SLC10A7: variants seen among roughly 807,000 people sequenced by gnomAD.
The protein encoded by SLC10A7 is solute carrier family 10 member 7.
A neutral mutation model predicts 43.2 loss-of-function variants in SLC10A7; 29 were observed. The observed-to-expected ratio is 0.67, with a 90% CI of 0.50 to 0.92. The LOEUF is 0.92. Ranked by LOEUF, SLC10A7 falls within the 40% of genes least tolerant of loss-of-function variation. SLC10A7 has a pLI of 0.00. For synonymous variants in SLC10A7, 152 were observed against 144.8 expected (o/e 1.05, Z -0.35); for missense variants, 295 against 403.2 (o/e 0.73, Z 2.30).
At chr4:146,293,419 G>C (rs1026589278) in intron 8 of SLC10A7, among the ~76,000 whole-genome samples, 3 of 152,122 alleles carry the variant, frequency 2.0e-5, no homozygotes, top group Non-Finnish European at 2.9e-5. Flanking sequence ...AGCTTTAGCA[G>C]TTTCCTGCAT....
At chr4:146,376,039 C>A (rs796286414) in intron 5 of SLC10A7, among the ~76,000 whole-genome samples, 5 of 152,202 alleles carry the variant, frequency 3.3e-5, no homozygotes, top group African/African-American at 1.2e-4. Flanking sequence ...TTACGTTTAC[C>A]CATTTACTGT....
chr4:146,411,240 T>C (rs749964001), intron 5 of SLC10A7, among the ~76,000 whole-genome samples: 3 of 152,160 alleles, frequency 2.0e-5, no homozygotes, highest in Non-Finnish European at 4.4e-5. Flanking sequence ...CAGGTATTTT[T>C]ATACTCATGT....
At chr4:146,347,048 C>T (rs542387501) in intron 5 of SLC10A7, among the ~76,000 whole-genome samples, 4 of 151,972 alleles carry the variant, frequency 2.6e-5, no homozygotes, top group Non-Finnish European at 2.9e-5. Context: ...CCCAACTGAG[C>T]GAGGGGTTTC....
intron 5 of SLC10A7, among the ~76,000 whole-genome samples, chr4:146,361,890 T>C (rs1206054508): frequency 6.6e-6 from 1 of 152,158 alleles, no homozygotes; most frequent in Non-Finnish European, 1.5e-5. Context: ...AACAAAGAGA[T>C]TGACATTCTT....
At chr4:146,468,289 T>C (rs1377649998) in intron 4 of SLC10A7, among the ~76,000 whole-genome samples, 1 of 152,090 alleles carries the variant, frequency 6.6e-6, no homozygotes, top group Non-Finnish European at 1.5e-5. Flanking sequence ...CATTACCAAG[T>C]GGTAAGGGCC....
intron 4 of SLC10A7, among the ~76,000 whole-genome samples, chr4:146,490,383 T>C (rs1281192276): frequency 1.6e-5 from 2 of 122,916 alleles, no homozygotes; most frequent in East Asian, 5.1e-4. Flanking sequence ...TAATGGGTTA[T>C]TAGAGGGCCA....
Position 146,256,199 on chromosome 4 carries a change from G to T in SLC10A7, c.*292C>A. 2.3e-6 allele frequency: 1 copy of T among 441,488 alleles called. No individual in the cohort carries two copies. The highest frequency in any genetic ancestry group is 2.5e-5 in the South Asian group (1 of 40,118). The allele number at this position is 441,488 out of a possible 1,614,324, so 27.3% of individuals were successfully genotyped here. A position where few individuals can be genotyped will look rare whatever the true frequency, so the allele number is the denominator to read the frequency against. On this transcript the variant is annotated 3_prime_UTR_variant, in exon 12 of 12. Coordinates refer to ENST00000335472, the MANE Select transcript of SLC10A7 (RefSeq NM_001029998.6). ...CTATAGGGTTGTATTGCACAAAGGTGCTGCAGGGAAAGCATGTTTGCTTTT... is the reference window on the plus strand; with the variant it reads ...CTATAGGGTTGTATTGCACAAAGGTTCTGCAGGGAAAGCATGTTTGCTTTT...
At chr4:146,317,662 T>C (rs1024926467) in intron 6 of SLC10A7, among the ~76,000 whole-genome samples, 5 of 151,888 alleles carry the variant, frequency 3.3e-5, no homozygotes, top group African/African-American at 4.8e-5. Context: ...AGGGCCTGTA[T>C]TGAACAAAAA....
intron 6 of SLC10A7, among the ~76,000 whole-genome samples, chr4:146,313,601 T>C (rs943150279): frequency 6.6e-6 from 1 of 152,158 alleles, no homozygotes; most frequent in Non-Finnish European, 1.5e-5. Context: ...CAACCATAAA[T>C]GGAAACAAAT....
intron 9 of SLC10A7, among the ~76,000 whole-genome samples, chr4:146,287,635 T>TA (rs1218523981): frequency 1.3e-5 from 2 of 152,144 alleles, no homozygotes; most frequent in East Asian, 1.9e-4. Flanking sequence ...TAACAATGAA[T>TA]AAAAAAACTT....
intron 3 of SLC10A7, among the ~76,000 whole-genome samples, chr4:146,504,125 A>C (rs1371033687): frequency 6.6e-6 from 1 of 152,202 alleles, no homozygotes; most frequent in Non-Finnish European, 1.5e-5. Flanking sequence ...CTAATCTCTT[A>C]TGCTATTCCA....
At chr4:146,511,819 C>T (rs1737499857) in intron 2 of SLC10A7, among the ~76,000 whole-genome samples, 1 of 152,070 alleles carries the variant, frequency 6.6e-6, no homozygotes, top group African/African-American at 2.4e-5. Flanking sequence ...ACCAGCAGTT[C>T]CAGAGAATTC....
chr4:146,365,811 T>A (rs2255242), intron 5 of SLC10A7, among the ~76,000 whole-genome samples: 1,668 of 152,320 alleles, frequency 0.011, 25 homozygotes, highest in African/African-American at 0.038. Flanking sequence ...ATGTCCTTTG[T>A]CCTCTTCAGC....
chr4:146,431,162 G>A (rs1729746816), intron 5 of SLC10A7, among the ~76,000 whole-genome samples: 1 of 152,026 alleles, frequency 6.6e-6, no homozygotes, highest in Admixed American at 6.6e-5. Flanking sequence ...TTAATGTCAT[G>A]TGTGATATCC....
chr4:146,435,760 T>C (rs1730161959), intron 5 of SLC10A7, among the ~76,000 whole-genome samples: 2 of 152,296 alleles, frequency 1.3e-5, no homozygotes, highest in Non-Finnish European at 2.9e-5. Flanking sequence ...GTAGGCTGGA[T>C]TCAAATTAAG....
chr4:146,328,333 G>C (rs937146973), intron 5 of SLC10A7, among the ~76,000 whole-genome samples: 2 of 152,124 alleles, frequency 1.3e-5, no homozygotes, highest in African/African-American at 2.4e-5. Context: ...ATCACCACTG[G>C]TGCTTGTGTG....
At chr4:146,425,849 A>G (rs1729309419) in intron 5 of SLC10A7, among the ~76,000 whole-genome samples, 1 of 152,226 alleles carries the variant, frequency 6.6e-6, no homozygotes, top group Non-Finnish European at 1.5e-5. Context: ...CAGGGGAGCC[A>G]GACACATCCA....
intron 10 of SLC10A7, among the ~76,000 whole-genome samples, chr4:146,265,046 C>G (rs1025737016): frequency 6.6e-6 from 1 of 152,196 alleles, no homozygotes; most frequent in Non-Finnish European, 1.5e-5. Context: ...GTCCATTCAT[C>G]AAATCCTCTA....
chr4:146,370,233 T>C (rs950150504), intron 5 of SLC10A7, among the ~76,000 whole-genome samples: 2 of 152,152 alleles, frequency 1.3e-5, no homozygotes, highest in African/African-American at 4.8e-5. Flanking sequence ...GAGTAACAAA[T>C]TCCTTTCTGG....
Sources: allele counts gnomAD v4.1 joint callset (sites outside exome capture counted in the v4.1 genomes callset), GRCh38; gene constraint gnomAD v4.1.1; transcripts MANE v1.5; gene names NCBI Gene and HGNC (gene_info 2026-07-23, HGNC 2026-07-21).